Variants in CRKL observed in about 807,000 individuals in gnomAD.
CRKL encodes crk-like protein.
In CRKL, 3 loss-of-function variants were observed where a neutral mutation model predicts 23.0. The ratio of observed to expected loss-of-function variants is 0.13; its 90% CI spans 0.06 to 0.34. The LOEUF (loss-of-function observed/expected upper bound fraction) is 0.34, where lower values mean the gene tolerates loss of function less well. Among genes scored for constraint, CRKL ranks in the 10% least tolerant of loss-of-function variants. CRKL has a pLI of 1.00. For missense variants in CRKL, 256 were observed against 394.5 expected, an observed-to-expected ratio of 0.65 and a Z score of 2.97; for synonymous variants, 188 against 160.7, an observed-to-expected ratio of 1.17 and a Z score of -1.28.
chr22:20,918,910 A>G (rs1929789529), intron 1 of CRKL, among the ~76,000 whole-genome samples: 1 of 151,948 alleles, frequency 6.6e-6, no homozygotes, highest in African/African-American at 2.4e-5. Context: ...TTTAAGCCAT[A>G]GACTTCTTTG....
In CRKL at chr22:20,917,943, C is replaced by T. The variant is rs142006000; in HGVS notation, c.9C>T (p.Ser3=). 8.1e-6 allele frequency: 13 copies of T among 1,613,438 alleles called. 1 individual carries two copies. The African/African-American group carries it at 1.5e-4, about 18-fold the overall frequency. Residue 3 remains serine (S), a synonymous_variant, in exon 1 of 3, where the codon TCC becomes TCT. Coordinates refer to ENST00000354336, the MANE Select transcript of CRKL (RefSeq NM_005207.4). The stretch of plus-strand genomic sequence containing the variant: ...GTCCCCGGTCCAACACCATGTCCTC[C>T]GCCAGGTTCGACTCCTCGGACCGCT... The part of the protein sequence containing the change: MS[S]ARFDSSDRSA...
chr22:20,950,414 G>T lies in CRKL; in HGVS notation c.*569G>T, dbSNP rs977047184. ...GGTTTTTTTTTGTTTTGTTTTGTTT[G>T]TTTTGTTTTGTTTTTTTGAGACGGT... On this transcript the variant is annotated 3_prime_UTR_variant, in exon 3 of 3. Coordinates refer to ENST00000354336, the MANE Select transcript of CRKL (RefSeq NM_005207.4). 5 of 230,374 alleles carry T rather than the reference G, an allele frequency of 2.2e-5. No homozygotes were observed. Among genetic ancestry groups the T allele is most frequent in the Non-Finnish European group, 2.6e-5 (3 of 117,128 alleles). The allele number at this position is 230,374 out of a possible 1,614,324, so 14.3% of individuals were successfully genotyped here.
chr22:20,949,667 CTTG>C, intron 2 of CRKL, 41 bp from the exon 3 acceptor site: 1 of 1,603,930 alleles, frequency 6.2e-7, no homozygotes, highest in East Asian at 2.2e-5. Context: ...CTGTCTTTTT[CTTG>C]TTGCAGAGAA....
rs530232662 is a variant in CRKL at position 20,945,151 on chromosome 22, G to T, written c.778-4560G>T. ...TGGGACTACAGGCGCCTCCTACCAC[G>T]CCCGGCTAATTTTTTGTATTTTTAG... On this transcript the variant is annotated intron_variant, in intron 2 of 2. Coordinates refer to ENST00000354336, the MANE Select transcript of CRKL (RefSeq NM_005207.4). 4.6e-5 allele frequency among the ~76,000 whole-genome samples: 7 copies of T among 151,736 alleles called. No individual in the cohort carries two copies. The East Asian group carries it at 1.4e-3, about 30-fold the overall frequency.
intron 2 of CRKL, among the ~76,000 whole-genome samples, chr22:20,941,425 T>G (rs1320013113): frequency 6.6e-6 from 1 of 151,374 alleles, no homozygotes; most frequent in Non-Finnish European, 1.5e-5. Context: ...TTTTTTTCCT[T>G]GACTATAATA....
rs540523124 is a variant in CRKL at position 20,917,691 on chromosome 22, C to T, written c.-244C>T. ...CGGCTCGGGTTTGCCTGCCCCGACC[C>T]CCCGGCTCTGCCGTGCATTCCCGGG... On this transcript the variant is annotated 5_prime_UTR_variant, in exon 1 of 3. Transcript: ENST00000354336. 1.5e-5 allele frequency: 8 copies of T among 537,380 alleles called. No homozygotes were observed. Among genetic ancestry groups the T allele is most frequent in the Non-Finnish European group, 2.3e-5 (7 of 307,528 alleles). The allele number at this position is 537,380 out of a possible 1,614,324, so 33.3% of individuals were successfully genotyped here. A position where few individuals can be genotyped will look rare whatever the true frequency, so the allele number is the denominator to read the frequency against.
At chr22:20,942,714 G>A (rs1921924096) in intron 2 of CRKL, among the ~76,000 whole-genome samples, 1 of 151,926 alleles carries the variant, frequency 6.6e-6, no homozygotes. Context: ...TCCATCTCCT[G>A]GGTTCAAGCG....
intron 1 of CRKL, among the ~76,000 whole-genome samples, chr22:20,919,492 T>C (rs1929807509): frequency 1.3e-5 from 2 of 152,220 alleles, no homozygotes; most frequent in Non-Finnish European, 2.9e-5. Flanking sequence ...CTTTTCCAAG[T>C]GAAATACGTT....
intron 1 of CRKL, among the ~76,000 whole-genome samples, chr22:20,921,889 T>C (rs1049217548): frequency 6.6e-6 from 1 of 151,628 alleles, no homozygotes; most frequent in Non-Finnish European, 1.5e-5. Context: ...TTTGTATTTT[T>C]AGTGGAGACG....
At position 20,933,919 on chromosome 22, in the gene CRKL, T is replaced by G. The variant is rs2147904918; in HGVS notation, c.452T>G (p.Val151Gly). ...DLPFKKGEIL[V>G]IIEKPEEQWW... ...CCCTTTAAAAAGGGTGAGATCCTAG[T>G]GATAATAGAGAAGCCTGAAGAACAG... The change falls in exon 2 of 3, where the codon GTG (valine) becomes GGG (glycine). Residue 151 changes from valine to glycine, a missense_variant. Coordinates refer to ENST00000354336, the MANE Select transcript of CRKL (RefSeq NM_005207.4). 6.2e-7 allele frequency: 1 copy of G among 1,613,982 alleles called. No homozygotes were observed. Among genetic ancestry groups the G allele is most frequent in the Non-Finnish European group, 8.5e-7 (1 of 1,179,996 alleles).
At chr22:20,937,501 A>C (rs1222202297) in intron 2 of CRKL, among the ~76,000 whole-genome samples, 1 of 148,968 alleles carries the variant, frequency 6.7e-6, no homozygotes, top group East Asian at 2.0e-4. Flanking sequence ...TGGAGCGAGT[A>C]CTAGGAGGTT....
At chr22:20,918,658 C>T (rs1229196185) in intron 1 of CRKL, among the ~76,000 whole-genome samples, 1 of 143,874 alleles carries the variant, frequency 7.0e-6, no homozygotes, top group Non-Finnish European at 1.5e-5. Flanking sequence ...GTGGTGCGAT[C>T]TCGGCTCACT....
In CRKL at chr22:20,950,951, C is replaced by T. The variant is rs1010099940; in HGVS notation, c.*1106C>T. 4.3e-6 allele frequency: 1 copy of T among 232,472 alleles called. No homozygotes were observed. The highest frequency in any genetic ancestry group is 1.8e-4 in the South Asian group (1 of 5,532). 14.4% of individuals were successfully genotyped at this position (232,472 alleles called of 1,614,324 possible). A position where few individuals can be genotyped will look rare whatever the true frequency, so the allele number is the denominator to read the frequency against. Reference sequence around the variant, plus strand: ...GTGTGCCATGCTATGTGCACAGCCCCTTGGATTACTTTGTTTTAAAAAGCA... The same window carrying T: ...GTGTGCCATGCTATGTGCACAGCCCTTTGGATTACTTTGTTTTAAAAAGCA... On this transcript the variant is annotated 3_prime_UTR_variant, in exon 3 of 3. Coordinates refer to ENST00000354336, the MANE Select transcript of CRKL (RefSeq NM_005207.4).
chr22:20,919,245 C>T (rs1026104259), intron 1 of CRKL, among the ~76,000 whole-genome samples: 2 of 152,082 alleles, frequency 1.3e-5, no homozygotes, highest in East Asian at 3.9e-4. Context: ...GGTGCATTGG[C>T]TTCAGCGAGG....
chr22:20,937,403 CAG>C (rs781614783), intron 2 of CRKL, among the ~76,000 whole-genome samples: 11 of 150,518 alleles, frequency 7.3e-5, no homozygotes, highest in Non-Finnish European at 1.2e-4. Context: ...GGCTCCCAGT[CAG>C]AATTTTAGGT....
At chr22:20,947,844 C>T (rs1459407685) in intron 2 of CRKL, among the ~76,000 whole-genome samples, 3 of 151,864 alleles carry the variant, frequency 2.0e-5, no homozygotes, top group Non-Finnish European at 2.9e-5. Flanking sequence ...CATGCCACCA[C>T]GCCTGGCTCA....
chr22:20,931,336 A>T (rs1356838065), intron 1 of CRKL, among the ~76,000 whole-genome samples: 2 of 152,144 alleles, frequency 1.3e-5, no homozygotes, highest in African/African-American at 4.8e-5. Flanking sequence ...GAGCTTGGGA[A>T]GTGGAGGCTA....
chr22:20,942,149 A>G (rs1921905532), intron 2 of CRKL, among the ~76,000 whole-genome samples: 1 of 152,168 alleles, frequency 6.6e-6, no homozygotes, highest in African/African-American at 2.4e-5. Context: ...TATTCTACCT[A>G]CCTGATATAA....
In CRKL at chr22:20,918,093, C is replaced by T. The variant is rs1334805970; in HGVS notation, c.159C>T (p.Ser53=). The T allele has an allele frequency of 6.2e-7, 1 of 1,614,212 alleles. No homozygotes were observed. The highest frequency in any genetic ancestry group is 2.2e-5 in the East Asian group (1 of 44,876). ...TCPGDYVLSV[S]ENSRVSHYII... ...CTGGGGACTATGTGCTGTCGGTGTC[C>T]GAGAACTCGCGGGTCTCCCACTACA... The change falls in exon 1 of 3, where the codon TCC becomes TCT. Residue 53 remains serine, a synonymous_variant. Coordinates refer to ENST00000354336, the MANE Select transcript of CRKL (RefSeq NM_005207.4).
Sources: allele counts gnomAD v4.1 joint callset (sites outside exome capture counted in the v4.1 genomes callset), GRCh38; gene constraint gnomAD v4.1.1; transcripts MANE v1.5; gene names NCBI Gene and HGNC (gene_info 2026-07-23, HGNC 2026-07-21).